CSMD1: variants seen among roughly 807,000 people sequenced by gnomAD.
The protein encoded by CSMD1 is CUB and Sushi multiple domains 1.
In CSMD1, 213 loss-of-function variants were observed where a neutral mutation model predicts 417.5. The observed-to-expected ratio is 0.51, with a 90% CI of 0.46 to 0.57. CSMD1 has a LOEUF of 0.57. Among genes scored for constraint, CSMD1 ranks in the 20% least tolerant of loss-of-function variants. The pLI is 0.00. For synonymous variants in CSMD1, 2,862 were observed against 1,736.8 expected, an observed-to-expected ratio of 1.65 and a Z score of -16.11; for missense variants, 6,923 against 4,529.7, an observed-to-expected ratio of 1.53 and a Z score of -15.17.
At chr8:3,103,921 T>C (rs1238955004) in intron 46 of CSMD1, among the ~76,000 whole-genome samples, 1 of 151,810 alleles carries the variant, frequency 6.6e-6, no homozygotes, top group African/African-American at 2.4e-5. Flanking sequence ...TTTTGTATTT[T>C]CAGTAGACAC....
At chr8:3,004,261 T>G (rs1285354075) in intron 52 of CSMD1, among the ~76,000 whole-genome samples, 3 of 152,198 alleles carry the variant, frequency 2.0e-5, no homozygotes, top group African/African-American at 4.8e-5. Context: ...TATTATTCAT[T>G]GACGTTTAGC....
Position 4,579,752 on chromosome 8 carries a change from G to A in CSMD1, c.302+57590C>T, listed in dbSNP as rs1459661620. Among the ~76,000 whole-genome samples, 4 of 152,058 alleles carry A rather than the reference G, an allele frequency of 2.6e-5. No homozygotes were observed. The South Asian group carries it at 6.2e-4, about 24-fold the overall frequency. On this transcript the variant is annotated intron_variant, in intron 2 of 69. Transcript: ENST00000635120. The stretch of plus-strand genomic sequence containing the variant: ...GTGAATTTCCATGTAAATTTACATG[G>A]TGAATTTTTACAGGTGAATTTCCAA...
intron 50 of CSMD1, among the ~76,000 whole-genome samples, chr8:3,047,823 G>C (rs1424582319): frequency 6.6e-6 from 1 of 152,214 alleles, no homozygotes; most frequent in Non-Finnish European, 1.5e-5. Context: ...AAACACTTGA[G>C]TGTGTCTAAT....
chr8:4,858,086 C>A (rs1263477397), intron 1 of CSMD1, among the ~76,000 whole-genome samples: 1 of 151,906 alleles, frequency 6.6e-6, no homozygotes, highest in Non-Finnish European at 1.5e-5. Context: ...GGGCTGCATC[C>A]CTGGGATGCA....
At chr8:4,389,259 A>G (rs1803681521) in intron 3 of CSMD1, among the ~76,000 whole-genome samples, 1 of 152,178 alleles carries the variant, frequency 6.6e-6, no homozygotes, top group South Asian at 2.1e-4. Context: ...TATTAAGCAT[A>G]AATGAAGAAT....
At chr8:4,115,181 C>T (rs1418860716) in intron 3 of CSMD1, among the ~76,000 whole-genome samples, 1 of 152,184 alleles carries the variant, frequency 6.6e-6, no homozygotes, top group African/African-American at 2.4e-5. Flanking sequence ...ACAGCTACCC[C>T]AGCCTTCAGC....
At chr8:4,433,801 C>A (rs940780283) in intron 2 of CSMD1, among the ~76,000 whole-genome samples, 4 of 151,932 alleles carry the variant, frequency 2.6e-5, no homozygotes, top group African/African-American at 9.7e-5. Flanking sequence ...TTACCTCTGT[C>A]CTTTGCAAGA....
intron 3 of CSMD1, among the ~76,000 whole-genome samples, chr8:4,317,575 C>G (rs1377873282): frequency 6.6e-6 from 1 of 151,540 alleles, no homozygotes; most frequent in East Asian, 1.9e-4. Flanking sequence ...AGTTAAGTGT[C>G]AGTACTCAAG....
At chr8:4,793,279 C>G (rs1797792423) in intron 1 of CSMD1, among the ~76,000 whole-genome samples, 1 of 152,062 alleles carries the variant, frequency 6.6e-6, no homozygotes, top group Non-Finnish European at 1.5e-5. Flanking sequence ...TTGTTTTAGG[C>G]TGGAAAAATA....
At chr8:2,956,133 T>A (rs187887897) in intron 63 of CSMD1, among the ~76,000 whole-genome samples, 1 of 152,196 alleles carries the variant, frequency 6.6e-6, no homozygotes, top group Admixed American at 6.5e-5. Context: ...GAAATAAATA[T>A]GTTAAAGATC....
chr8:4,453,382 G>C (rs900617439), intron 2 of CSMD1, among the ~76,000 whole-genome samples: 2 of 152,182 alleles, frequency 1.3e-5, no homozygotes, highest in Non-Finnish European at 2.9e-5. Context: ...CCTGGGCACA[G>C]AACTTGGTGC....
intron 1 of CSMD1, among the ~76,000 whole-genome samples, chr8:4,776,510 G>C (rs957166552): frequency 6.6e-6 from 1 of 152,120 alleles, no homozygotes; most frequent in African/African-American, 2.4e-5. Flanking sequence ...CAGCGTCTCA[G>C]GGCCCCATAG....
intron 1 of CSMD1, among the ~76,000 whole-genome samples, chr8:4,741,978 T>G: frequency 7.6e-6 from 1 of 131,918 alleles, no homozygotes; most frequent in Non-Finnish European, 1.6e-5. Context: ...GGACTATAGG[T>G]CCGCACGCAC....
rs577925277 is a variant in CSMD1 at position 3,888,405 on chromosome 8, C to T, written c.818+109498G>A. ...ATAGAGAAGCCTATTTCATTCTATACGGAAACCTTTTTTTACCTTAATGCA... is the reference window on the plus strand; with the variant it reads ...ATAGAGAAGCCTATTTCATTCTATATGGAAACCTTTTTTTACCTTAATGCA... On this transcript the variant is annotated intron_variant, in intron 5 of 69. Coordinates refer to ENST00000635120, the MANE Select transcript of CSMD1 (RefSeq NM_033225.6). Among the ~76,000 whole-genome samples, 22 of 152,260 alleles carry T rather than the reference C, an allele frequency of 1.4e-4. No individual in the cohort carries two copies. In the South Asian group the frequency reaches 2.1e-3, roughly 14 times the overall value.
At chr8:3,878,209 C>G (rs928750942) in intron 5 of CSMD1, among the ~76,000 whole-genome samples, 4 of 152,078 alleles carry the variant, frequency 2.6e-5, no homozygotes, top group African/African-American at 9.7e-5. Flanking sequence ...AGGGATAAAA[C>G]TAATATCAAG....
At chr8:3,803,740 C>T (rs757444856) in intron 5 of CSMD1, among the ~76,000 whole-genome samples, 10 of 152,086 alleles carry the variant, frequency 6.6e-5, no homozygotes, top group South Asian at 2.1e-4. Context: ...AAGCCAGTGA[C>T]GAATCTTGAT....
intron 10 of CSMD1, among the ~76,000 whole-genome samples, chr8:3,503,672 G>C (rs1461826471): frequency 6.6e-6 from 1 of 152,178 alleles, no homozygotes; most frequent in Non-Finnish European, 1.5e-5. Context: ...ATTAGTCTCA[G>C]CTCAAGACAG....
intron 3 of CSMD1, among the ~76,000 whole-genome samples, chr8:4,386,901 G>GT (rs1164538294): frequency 1.3e-5 from 2 of 152,196 alleles, no homozygotes; most frequent in African/African-American, 4.8e-5. Context: ...ATCATGAATA[G>GT]TTAAAAGGAA....
In CSMD1 at chr8:3,215,038, T is replaced by C. The variant is rs149661525; in HGVS notation, c.4673-347A>G. Among the ~76,000 whole-genome samples, 479 of 152,270 alleles carry C rather than the reference T, an allele frequency of 3.1e-3. 4 individuals are homozygous for C. Among genetic ancestry groups the C allele is most frequent in the African/African-American group, 0.011 (444 of 41,570 alleles). ...ATTTTAGGACTGAATCAAAGAAAAATTGACTCTGGAAAAATTGAGGTTCAT... is the reference window on the plus strand; with the variant it reads ...ATTTTAGGACTGAATCAAAGAAAAACTGACTCTGGAAAAATTGAGGTTCAT... On this transcript the variant is annotated intron_variant, in intron 29 of 69. Coordinates refer to ENST00000635120, the MANE Select transcript of CSMD1 (RefSeq NM_033225.6).
Sources: allele counts gnomAD v4.1 joint callset (sites outside exome capture counted in the v4.1 genomes callset), GRCh38; gene constraint gnomAD v4.1.1; transcripts MANE v1.5; gene names NCBI Gene and HGNC (gene_info 2026-07-23, HGNC 2026-07-21).